The following GAD2 variants were observed in gnomAD, a reference collection of about 807,000 sequenced individuals.
GAD2 encodes the protein glutamate decarboxylase 2.
GAD2 carries 22 observed loss-of-function variants against 80.1 expected under a neutral mutation model. The observed-to-expected ratio is 0.27, with a 90% CI of 0.20 to 0.39. The LOEUF (loss-of-function observed/expected upper bound fraction) is 0.39. Among genes scored for constraint, GAD2 ranks in the 10% least tolerant of loss-of-function variants. GAD2 has a pLI of 1.00. For missense variants in GAD2, 624 were observed against 738.4 expected (o/e 0.85, Z 1.80); for synonymous variants, 274 against 256.9 (o/e 1.07, Z -0.64).
At chr10:26,260,876 T>C (rs1845001416) in intron 8 of GAD2, among the ~76,000 whole-genome samples, 1 of 152,198 alleles carries the variant, frequency 6.6e-6, no homozygotes, top group Admixed American at 6.5e-5. Flanking sequence ...AGTTTGATAA[T>C]TAGCAAAGCT....
intron 7 of GAD2, among the ~76,000 whole-genome samples, chr10:26,232,469 CTTTT>C (rs60636223): frequency 4.9e-5 from 5 of 101,426 alleles, no homozygotes; most frequent in Non-Finnish European, 8.2e-5. Flanking sequence ...ACTCAGTCTA[CTTTT>C]TTTTTTTTTT....
intron 8 of GAD2, among the ~76,000 whole-genome samples, chr10:26,261,839 C>T (rs1209100960): frequency 1.3e-5 from 2 of 152,072 alleles, no homozygotes; most frequent in African/African-American, 2.4e-5. Context: ...TCATAAAATG[C>T]CTTTTAGACA....
At position 26,301,039 on chromosome 10, in the gene GAD2, T is replaced by C; in HGVS notation, c.*78T>C. ...ACAAACTGTGTGAATGTATTTGTAG[T>C]TTGTTCCAAAGTAAATCTATTTCTA... On this transcript the variant is annotated 3_prime_UTR_variant, in exon 16 of 16. Coordinates refer to ENST00000376261, the MANE Select transcript of GAD2 (RefSeq NM_001134366.2). 7.9e-7 allele frequency: 1 copy of C among 1,259,784 alleles called. No individual in the cohort carries two copies. The highest frequency in any genetic ancestry group is 1.8e-5 in the Admixed American group (1 of 54,808). 78.0% of individuals were successfully genotyped at this position (1,259,784 alleles called of 1,614,324 possible).
rs576280764 is a variant in GAD2, at chr10:26,230,804, C to T, written c.840+1027C>T. ...TTTTGTTACCATAAAGAAATAGCAC[C>T]GTACCAGGCACGGTGGCTCATGCCT... On this transcript the variant is annotated intron_variant, in intron 7 of 15. Coordinates refer to ENST00000376261, the MANE Select transcript of GAD2 (RefSeq NM_001134366.2). 5.3e-5 allele frequency among the ~76,000 whole-genome samples: 8 copies of T among 151,778 alleles called. No homozygotes were observed. In the East Asian group the frequency reaches 7.8e-4, roughly 15 times the overall value.
intron 11 of GAD2, 117 bp downstream of exon 11, chr10:26,273,817 C>CT: frequency 1.3e-6 from 1 of 754,820 alleles, no homozygotes; most frequent in Non-Finnish European, 2.2e-6. Context: ...CTATTCAGTG[C>CT]TTGTGTTCCT....
At chr10:26,248,679 C>T (rs1479307351) in intron 8 of GAD2, among the ~76,000 whole-genome samples, 1 of 152,134 alleles carries the variant, frequency 6.6e-6, no homozygotes, top group Non-Finnish European at 1.5e-5. Context: ...GCCTGAAGAC[C>T]ACTAAAAGGG....
rs115487328 is a variant in GAD2, at chr10:26,281,267, G to A, written c.1236+180G>A. ...TGAAGGTCTGGTGCCTAACAGGGAAGAAAGGATAAGAGGACCTCAAATTTC... is the reference window on the plus strand; with the variant it reads ...TGAAGGTCTGGTGCCTAACAGGGAAAAAAGGATAAGAGGACCTCAAATTTC... On this transcript the variant is annotated intron_variant, in intron 12 of 15. Coordinates refer to ENST00000376261, the MANE Select transcript of GAD2 (RefSeq NM_001134366.2). Among the ~76,000 whole-genome samples the A allele has an allele frequency of 4.4e-3, 671 of 152,280 alleles. 2 individuals carry two copies. The highest frequency in any genetic ancestry group is 0.016 in the African/African-American group (651 of 41,560).
intron 7 of GAD2, among the ~76,000 whole-genome samples, chr10:26,241,550 CTTTT>C (rs562624565): frequency 1.6e-4 from 23 of 143,306 alleles, no homozygotes; most frequent in Non-Finnish European, 6.2e-5. Flanking sequence ...CTGCTCATTT[CTTTT>C]TTTTTTTTTT....
intron 13 of GAD2, among the ~76,000 whole-genome samples, chr10:26,292,238 G>C (rs1041630018): frequency 6.6e-6 from 1 of 152,218 alleles, no homozygotes; most frequent in African/African-American, 2.4e-5. Context: ...GGCTCTGGAA[G>C]AAAAGGAGTT....
At chr10:26,221,958 C>G (rs1844457994) in intron 4 of GAD2, among the ~76,000 whole-genome samples, 1 of 152,118 alleles carries the variant, frequency 6.6e-6, no homozygotes, top group Non-Finnish European at 1.5e-5. Flanking sequence ...CTGGGCAGCC[C>G]TAGGAAGCAG....
At chr10:26,295,082 CT>C (rs1554853859) in intron 15 of GAD2, among the ~76,000 whole-genome samples, 25 of 150,738 alleles carry the variant, frequency 1.7e-4, no homozygotes, top group East Asian at 5.9e-4. Context: ...AGAATAAAAA[CT>C]TTTTTTTTTC....
At chr10:26,228,431 TA>T (rs1193939781) in intron 6 of GAD2, among the ~76,000 whole-genome samples, 1 of 152,228 alleles carries the variant, frequency 6.6e-6, no homozygotes, top group African/African-American at 2.4e-5. Flanking sequence ...ACAATTCTAT[TA>T]TTTCAATGAT....
intron 10 of GAD2, among the ~76,000 whole-genome samples, chr10:26,273,246 TTTCCC>T (rs1845157866): frequency 6.6e-6 from 1 of 152,246 alleles, no homozygotes; most frequent in African/African-American, 2.4e-5. Flanking sequence ...TCAAAAGAGT[TTTCCC>T]TGCAACTTGG....
At chr10:26,285,432 T>C (rs1845319827) in intron 12 of GAD2, among the ~76,000 whole-genome samples, 1 of 152,222 alleles carries the variant, frequency 6.6e-6, no homozygotes, top group South Asian at 2.1e-4. Flanking sequence ...AAATCACAAT[T>C]AGACAGAAGA....
intron 8 of GAD2, among the ~76,000 whole-genome samples, chr10:26,254,835 G>T (rs1844925008): frequency 6.6e-6 from 1 of 152,232 alleles, no homozygotes; most frequent in Non-Finnish European, 1.5e-5. Context: ...AGGGAGTGCT[G>T]GAATGAACAG....
intron 8 of GAD2, among the ~76,000 whole-genome samples, chr10:26,266,872 C>T (rs1845080207): frequency 6.6e-6 from 1 of 152,104 alleles, no homozygotes; most frequent in Admixed American, 6.5e-5. Context: ...TGTTTGGCAC[C>T]TTTGAGTTTG....
chr10:26,216,654 T>G (rs1844374574), upstream of GAD2: 3 of 503,050 alleles, frequency 6.0e-6, no homozygotes, highest in Non-Finnish European at 1.0e-5. This position sits in a 1 kb window ranked among gnomAD's most constrained non-coding sequence, Gnocchi z 4.7. Flanking sequence ...CGTTTTCTGT[T>G]CCTGCGTGAC....
At chr10:26,242,181 T>G (rs1012741380) in intron 7 of GAD2, among the ~76,000 whole-genome samples, 1 of 151,738 alleles carries the variant, frequency 6.6e-6, no homozygotes, top group African/African-American at 2.4e-5. Context: ...AGAGACAGAG[T>G]TTCACCGTGT....
At chr10:26,294,102 G>A (rs75684839) in intron 15 of GAD2, among the ~76,000 whole-genome samples, 1,646 of 152,262 alleles carry the variant, frequency 0.011, 22 homozygotes, top group African/African-American at 0.037. Flanking sequence ...TCCCCCATTC[G>A]AAACTAGGGA....
Sources: allele counts gnomAD v4.1 joint callset (sites outside exome capture counted in the v4.1 genomes callset), GRCh38; gene constraint gnomAD v4.1.1; non-coding constraint Gnocchi (gnomAD v3.1); transcripts MANE v1.5; gene names NCBI Gene and HGNC (gene_info 2026-07-23, HGNC 2026-07-21).